NOX4: variants seen among roughly 807,000 people sequenced by gnomAD.
NOX4 encodes kidney oxidase-1.
Under a neutral mutation model 87.6 loss-of-function variants are expected in NOX4, and 69 were observed. The observed-to-expected ratio is 0.79, with a 90% CI of 0.65 to 0.96. NOX4 has a LOEUF of 0.96. Ranked by LOEUF, NOX4 falls within the 40% of genes least tolerant of loss-of-function variation. The probability of loss-of-function intolerance (pLI) is 0.00; values close to 1 mark genes in which losing one functional copy is unlikely to be tolerated. For synonymous variants in NOX4, 275 were observed against 238.2 expected (o/e 1.15, Z -1.42); for missense variants, 680 against 681.5 (o/e 1.00, Z 0.02).
rs1311610362 is a variant in NOX4, at chr11:89,378,028, C to G, written c.1075-4536G>C. The stretch of plus-strand genomic sequence containing the variant: ...CAAATCTCTCTGATACCACTTATTT[C>G]TCTTGCCAGCATTCAATCACCTTTC... On this transcript the variant is annotated intron_variant, in intron 11 of 17. Coordinates refer to ENST00000263317, the MANE Select transcript of NOX4 (RefSeq NM_016931.5). 1.4e-4 allele frequency among the ~76,000 whole-genome samples: 22 copies of G among 152,304 alleles called. 1 individual carries two copies. In the East Asian group the frequency reaches 3.7e-3, roughly 25 times the overall value.
chr11:89,384,123 C>T (rs570150372), intron 11 of NOX4, among the ~76,000 whole-genome samples: 44 of 152,262 alleles, frequency 2.9e-4, no homozygotes, highest in African/African-American at 9.4e-4. Context: ...AGGATCTGTG[C>T]GTTATCAACC....
At chr11:89,333,987 T>A (rs1464026203) in intron 17 of NOX4, among the ~76,000 whole-genome samples, 2 of 151,596 alleles carry the variant, frequency 1.3e-5, no homozygotes, top group Non-Finnish European at 3.0e-5. Flanking sequence ...CACAAATCGC[T>A]CTAAAACACA....
intron 11 of NOX4, among the ~76,000 whole-genome samples, chr11:89,375,000 C>T (rs754383690): frequency 7.2e-5 from 11 of 152,106 alleles, no homozygotes; most frequent in South Asian, 2.1e-4. Context: ...CAAAAAGGAA[C>T]GGTAGCCTGA....
Position 89,421,959 on chromosome 11 carries a change from C to A in NOX4, c.572G>T (p.Trp191Leu). The stretch of plus-strand genomic sequence containing the variant: ...GACAAAGAAGAGGTTATGAGTATAC[C>A]AGAAGATATCATAGTTAGAAACTCT... ...AIRVSNYDIF[W>L]YTHNLFFVFY... Residue 191 changes from tryptophan (W) to leucine (L), a missense_variant, in exon 8 of 18, where the codon TGG (tryptophan) becomes TTG (leucine). Coordinates refer to ENST00000263317, the MANE Select transcript of NOX4 (RefSeq NM_016931.5). 6.4e-7 allele frequency: 1 copy of A among 1,552,872 alleles called. No homozygotes were observed. Among genetic ancestry groups the A allele is most frequent in the South Asian group, 1.2e-5 (1 of 81,772 alleles).
intron 2 of NOX4, among the ~76,000 whole-genome samples, chr11:89,460,601 C>T (rs1474082094): frequency 2.0e-5 from 3 of 152,166 alleles, no homozygotes; most frequent in African/African-American, 7.2e-5. Flanking sequence ...ATCAAAACCA[C>T]AATGAGATAC....
the NOX4 span, among the ~76,000 whole-genome samples, chr11:89,552,792 G>A: frequency 2.0e-5 from 3 of 151,770 alleles, no homozygotes; most frequent in African/African-American, 7.3e-5. Flanking sequence ...ATTTTGCTGA[G>A]AAGTAGTGAG....
intron 8 of NOX4, among the ~76,000 whole-genome samples, chr11:89,416,277 A>G (rs1942765737): frequency 6.6e-6 from 1 of 152,190 alleles, no homozygotes; most frequent in Non-Finnish European, 1.5e-5. Flanking sequence ...CCTCAGTACT[A>G]GAATAGGATT....
chr11:89,488,412 C>T (rs960761065), intron 2 of NOX4, among the ~76,000 whole-genome samples: 1 of 151,938 alleles, frequency 6.6e-6, no homozygotes, highest in Non-Finnish European at 1.5e-5. Context: ...AAATGTTTTC[C>T]AAATTTGTTG....
chr11:89,369,929 G>GAA lies in NOX4; in HGVS notation c.1135+3501_1135+3502dup, dbSNP rs369089490. Among the ~76,000 whole-genome samples, 215 of 146,466 alleles carry GAA rather than the reference G, an allele frequency of 1.5e-3. 1 individual carries two copies. Among genetic ancestry groups the GAA allele is most frequent in the African/African-American group, 4.2e-3 (168 of 39,960 alleles). On this transcript the variant is annotated intron_variant, in intron 12 of 17. Transcript: ENST00000263317. ...TGACTTACAAGGAGTTTCCAAAAAT[G>GAA]AAAAAAAAAATACTTTAAACACGTA...
the NOX4 span, among the ~76,000 whole-genome samples, chr11:89,559,671 C>G: frequency 7.2e-5 from 11 of 151,974 alleles, no homozygotes; most frequent in African/African-American, 2.7e-4. Flanking sequence ...GAATGTATTA[C>G]CATTGCTTTA....
intron 14 of NOX4, among the ~76,000 whole-genome samples, chr11:89,341,756 A>C (rs1946013034): frequency 6.6e-6 from 1 of 152,154 alleles, no homozygotes; most frequent in Non-Finnish European, 1.5e-5. Flanking sequence ...ATATTTGTTG[A>C]CTGAATGAAT....
intron 3 of NOX4, among the ~76,000 whole-genome samples, chr11:89,449,740 T>A (rs2135383380): frequency 6.6e-6 from 1 of 152,152 alleles, no homozygotes; most frequent in South Asian, 2.1e-4. Context: ...TAGAAAGATG[T>A]TCAAGACACA....
chr11:89,565,121 C>A, the NOX4 span, among the ~76,000 whole-genome samples: 1 of 152,136 alleles, frequency 6.6e-6, no homozygotes, highest in Non-Finnish European at 1.5e-5. Context: ...AATATTGAGT[C>A]TTCCTATTCA....
chr11:89,402,909 G>A (rs1296975999), intron 8 of NOX4, among the ~76,000 whole-genome samples: 1 of 152,110 alleles, frequency 6.6e-6, no homozygotes, highest in Non-Finnish European at 1.5e-5. Flanking sequence ...GTATAATGAG[G>A]AATATTTTGC....
intron 11 of NOX4, among the ~76,000 whole-genome samples, chr11:89,394,358 CAA>C (rs35087685): frequency 4.0e-5 from 6 of 150,420 alleles, no homozygotes; most frequent in South Asian, 2.1e-4. Flanking sequence ...TAAAAAACAA[CAA>C]AAAAAAAACT....
At chr11:89,526,829 A>G in the NOX4 span, among the ~76,000 whole-genome samples, 1 of 152,188 alleles carries the variant, frequency 6.6e-6, no homozygotes, top group Non-Finnish European at 1.5e-5. Context: ...TCTTTATAGA[A>G]GTAAATTGGG....
chr11:89,438,458 C>G (rs1187837577), intron 6 of NOX4, among the ~76,000 whole-genome samples: 1 of 77,730 alleles, frequency 1.3e-5, no homozygotes, highest in African/African-American at 7.9e-5. Flanking sequence ...ATATAATATA[C>G]AGCATATATA....
At chr11:89,463,931 G>T (rs568723090) in intron 2 of NOX4, among the ~76,000 whole-genome samples, 1 of 151,888 alleles carries the variant, frequency 6.6e-6, no homozygotes, top group South Asian at 2.1e-4. Context: ...CTTTTGATCT[G>T]GCATTTGCAT....
At chr11:89,424,205 G>A (rs909068189) in intron 7 of NOX4, among the ~76,000 whole-genome samples, 10 of 151,710 alleles carry the variant, frequency 6.6e-5, no homozygotes, top group South Asian at 2.1e-4. Context: ...TGCTGCAATC[G>A]TAAGTGGTAT....
Sources: allele counts gnomAD v4.1 joint callset (sites outside exome capture counted in the v4.1 genomes callset), GRCh38; gene constraint gnomAD v4.1.1; transcripts MANE v1.5; gene names NCBI Gene and HGNC (gene_info 2026-07-23, HGNC 2026-07-21).